Variants in TMCO4 observed in about 807,000 individuals in gnomAD.
TMCO4 encodes the protein transmembrane and coiled-coil domain-containing protein 4.
Under a neutral mutation model 64.7 loss-of-function variants are expected in TMCO4, and 58 were observed. The observed-to-expected ratio is 0.90, with a 90% CI of 0.73 to 1.12. TMCO4 has a LOEUF of 1.12. Among genes scored for constraint, TMCO4 ranks in the 50% most tolerant of loss-of-function variants. TMCO4 has a pLI of 0.00. For synonymous variants in TMCO4, 325 were observed against 346.1 expected (o/e 0.94, Z 0.68); for missense variants, 780 against 825.9 (o/e 0.94, Z 0.68).
At chr1:19,722,576 T>C (rs1467227496) in intron 13 of TMCO4, among the ~76,000 whole-genome samples, 3 of 152,208 alleles carry the variant, frequency 2.0e-5, no homozygotes, top group African/African-American at 7.2e-5. Flanking sequence ...TGGAGAATTG[T>C]GGCCTTCTGG....
chr1:19,731,746 G>A lies in TMCO4; in HGVS notation c.1264+5626C>T, dbSNP rs960242. On this transcript the variant is annotated intron_variant, in intron 13 of 15. Coordinates refer to ENST00000294543, the MANE Select transcript of TMCO4 (RefSeq NM_181719.7). ...TTTGTGCTTTCTGGGGTGAGTTAAAGCAGTCTGGCGAGAAGGGCTCTGCTC... is the reference window on the plus strand; with the variant it reads ...TTTGTGCTTTCTGGGGTGAGTTAAAACAGTCTGGCGAGAAGGGCTCTGCTC... Among the ~76,000 whole-genome samples the A allele has an allele frequency of 0.035, 5,316 of 152,286 alleles. 435 individuals carry two copies. In the East Asian group the frequency reaches 0.38, roughly 11 times the overall value.
At chr1:19,758,290 G>A (rs1048543591) in intron 6 of TMCO4, among the ~76,000 whole-genome samples, 1 of 151,804 alleles carries the variant, frequency 6.6e-6, no homozygotes, top group African/African-American at 2.4e-5. Context: ...GACACCACAT[G>A]CTGTGGCTTG....
intron 13 of TMCO4, among the ~76,000 whole-genome samples, chr1:19,715,632 C>G (rs919456790): frequency 5.3e-5 from 8 of 152,228 alleles, no homozygotes; most frequent in Non-Finnish European, 8.8e-5. Flanking sequence ...AAGTTCTGCA[C>G]GAGCCCTCAA....
At chr1:19,702,105 G>T (rs2095276277) in intron 13 of TMCO4, among the ~76,000 whole-genome samples, 2 of 152,152 alleles carry the variant, frequency 1.3e-5, no homozygotes, top group South Asian at 4.1e-4. Context: ...AAGTAGCTGG[G>T]ACTATAGGTG....
At chr1:19,717,354 T>C (rs1392983601) in intron 13 of TMCO4, among the ~76,000 whole-genome samples, 1 of 152,144 alleles carries the variant, frequency 6.6e-6, no homozygotes, top group Non-Finnish European at 1.5e-5. Context: ...GTCTGCCTGA[T>C]TGCTGTTCCC....
intron 15 of TMCO4, among the ~76,000 whole-genome samples, chr1:19,687,182 C>T (rs1457471023): frequency 6.6e-6 from 1 of 152,180 alleles, no homozygotes; most frequent in Non-Finnish European, 1.5e-5. Context: ...GGACTCCCAA[C>T]CTCAGGTGAT....
chr1:19,795,233 G>C (rs2044248986), intron 2 of TMCO4, among the ~76,000 whole-genome samples: 1 of 152,062 alleles, frequency 6.6e-6, no homozygotes, highest in Non-Finnish European at 1.5e-5. Context: ...CACTCTGGGA[G>C]GCTGAGGTGG....
chr1:19,744,603 C>T (rs563015562), intron 10 of TMCO4, among the ~76,000 whole-genome samples: 1 of 152,280 alleles, frequency 6.6e-6, no homozygotes, highest in East Asian at 1.9e-4. Context: ...TGTGGTCTGG[C>T]TCCACCCACA....
intron 8 of TMCO4, 78 bp downstream of exon 8, chr1:19,747,085 C>T (rs367558021): frequency 7.5e-6 from 11 of 1,472,344 alleles, no homozygotes; most frequent in Admixed American, 3.3e-5. Context: ...CCTGCACTCT[C>T]CACTCTCACC....
intron 13 of TMCO4, among the ~76,000 whole-genome samples, chr1:19,706,724 C>A (rs959327040): frequency 3.3e-5 from 5 of 152,174 alleles, no homozygotes; most frequent in Admixed American, 3.3e-4. Context: ...CATGTCTTTA[C>A]CCCTCAGCTC....
At chr1:19,698,959 G>A (rs2095253918) in intron 14 of TMCO4, among the ~76,000 whole-genome samples, 1 of 152,226 alleles carries the variant, frequency 6.6e-6, no homozygotes. Context: ...CACTTTGGGA[G>A]GCTGAGACGG....
intron 13 of TMCO4, among the ~76,000 whole-genome samples, chr1:19,726,222 G>A (rs1169779126): frequency 6.6e-6 from 1 of 152,204 alleles, no homozygotes; most frequent in African/African-American, 2.4e-5. Context: ...ACCCAACGTG[G>A]TGAGCTTGGA....
chr1:19,753,835 G>C (rs1044748442), intron 7 of TMCO4, among the ~76,000 whole-genome samples: 1 of 152,138 alleles, frequency 6.6e-6, no homozygotes, highest in African/African-American at 2.4e-5. Context: ...ACAATTACAT[G>C]TGTGAAGCCT....
rs950135291 is a variant in TMCO4, at chr1:19,775,954, C to T, written c.180-4472G>A. Among the ~76,000 whole-genome samples, 10 of 152,134 alleles carry T rather than the reference C, an allele frequency of 6.6e-5. 1 individual carries two copies. Among genetic ancestry groups the T allele is most frequent in the Admixed American group, 6.5e-5 (1 of 15,270 alleles). On this transcript the variant is annotated intron_variant, in intron 4 of 15. Coordinates refer to ENST00000294543, the MANE Select transcript of TMCO4 (RefSeq NM_181719.7). ...TTTTTGAGATGGAGTATCGCTCTGT[C>T]GCCCAGGCTGTGGCATGATCTCGAC...
intron 6 of TMCO4, among the ~76,000 whole-genome samples, chr1:19,769,795 A>G (rs2235651): frequency 0.48 from 72,115 of 150,946 alleles, 18,036 homozygotes; most frequent in African/African-American, 0.64. Context: ...GCATCCTGGA[A>G]TGGTAGACAG....
chr1:19,711,391 C>A (rs898187724), intron 13 of TMCO4, among the ~76,000 whole-genome samples: 8 of 152,154 alleles, frequency 5.3e-5, no homozygotes, highest in African/African-American at 1.7e-4. Context: ...TTTCAACATG[C>A]CTTTCTTACT....
intron 13 of TMCO4, among the ~76,000 whole-genome samples, chr1:19,702,397 GCCTTGCCA>G (rs2095279044): frequency 6.6e-6 from 1 of 151,714 alleles, no homozygotes; most frequent in Admixed American, 6.6e-5. Flanking sequence ...TTAGAGACTA[GCCTTGCCA>G]GCATGGCAAA....
chr1:19,727,581 G>T (rs904908716), intron 13 of TMCO4, among the ~76,000 whole-genome samples: 1 of 152,218 alleles, frequency 6.6e-6, no homozygotes, highest in African/African-American at 2.4e-5. Context: ...TCTCTCTTTA[G>T]AAGGTCTCAT....
In TMCO4 at chr1:19,745,755, G is replaced by A. The variant is rs920935952; in HGVS notation, c.758-104C>T. The A allele has an allele frequency of 6.3e-6, 9 of 1,425,106 alleles. No individual in the cohort carries two copies. The African/African-American group carries it at 1.0e-4, about 16-fold the overall frequency. The allele number at this position is 1,425,106 out of a possible 1,614,324, so 88.3% of individuals were successfully genotyped here. ...CATGCACACAGTGAGCACCATCTGT[G>A]TGCCCTGCCCCTGGAAAAACACATT... On this transcript the variant is annotated intron_variant, in intron 9 of 15. Transcript: ENST00000294543.
Sources: gnomAD v4.1 joint callset for allele counts (sites outside exome capture counted in the v4.1 genomes callset) on GRCh38, gnomAD v4.1.1 for gene constraint, MANE v1.5 for transcripts, NCBI Gene and HGNC (gene_info 2026-07-23, HGNC 2026-07-21) for gene names.